Variants in LAMA3 observed in about 807,000 individuals in gnomAD.
LAMA3 encodes laminin subunit alpha 3, also known as laminin subunit alpha-3.
In LAMA3, 281 loss-of-function variants were observed where a neutral mutation model predicts 402.0. The observed-to-expected ratio is 0.70, with a 90% confidence interval of 0.63 to 0.77. The LOEUF (loss-of-function observed/expected upper bound fraction) is 0.77. Among genes scored for constraint, LAMA3 ranks in the 30% least tolerant of loss-of-function variants. The pLI is 0.00. For synonymous variants in LAMA3, 1,431 were observed against 1,558.4 expected, an observed-to-expected ratio of 0.92 and a Z score of 1.93; for missense variants, 3,840 against 4,215.5, an observed-to-expected ratio of 0.91 and a Z score of 2.47.
Position 23,689,466 on chromosome 18 carries a change from G to T in LAMA3, c.-218G>T, listed in dbSNP as rs1484628601. On this transcript the variant is annotated 5_prime_UTR_variant, in exon 1 of 75. Coordinates refer to ENST00000313654, the MANE Select transcript of LAMA3 (RefSeq NM_198129.4). ...CTGAGCGCTGTCAGTTCCTGATCCG[G>T]CTGGTGCCCGCTCCAGCCGCGGCAG... 2.6e-6 allele frequency: 1 copy of T among 379,166 alleles called. No homozygotes were observed. The highest frequency in any genetic ancestry group is 2.1e-5 in the African/African-American group (1 of 47,552). 23.5% of individuals were successfully genotyped at this position (379,166 alleles called of 1,614,324 possible).
chr18:23,929,542 ACT>A (rs549353226), intron 64 of LAMA3, among the ~76,000 whole-genome samples: 318 of 150,190 alleles, frequency 2.1e-3, no homozygotes, highest in African/African-American at 7.2e-3. Flanking sequence ...TTGGTGGCTG[ACT>A]CTGTGGCTCT....
chr18:23,753,846 CTA>C, intron 6 of LAMA3, 34 bp downstream of exon 6: 1 of 1,404,642 alleles, frequency 7.1e-7, no homozygotes, highest in Non-Finnish European at 1.0e-6. Context: ...TTCAGCCTTA[CTA>C]TGATTAAGTC....
intron 2 of LAMA3, among the ~76,000 whole-genome samples, chr18:23,741,700 A>G (rs760905322): frequency 1.3e-5 from 2 of 152,240 alleles, no homozygotes; most frequent in Non-Finnish European, 2.9e-5. Flanking sequence ...ATTAATTACA[A>G]ATGTAAAAAA....
rs1014633904 is a variant in LAMA3, at chr18:23,689,712, G to C, written c.29G>C (p.Arg10Pro). Residue 10 changes from arginine (R) to proline (P), a missense_variant, in exon 1 of 75, where the codon CGG (arginine) becomes CCG (proline). Physicochemically the swap from Arg to Pro is moderately radical, Grantham distance 103. Around this residue, in one of 3 missense-constraint regions of LAMA3, gnomAD observed 2,109 missense variants for 2,376.0 expected, o/e 0.89. Transcript: ENST00000313654. MAAAARPRG[R>P]ALGPVLPPTP... ...GCGGCGGCCGCGCGGCCTCGGGGTCGGGCACTGGGGCCAGTACTGCCGCCG... is the reference window on the plus strand; with the variant it reads ...GCGGCGGCCGCGCGGCCTCGGGGTCCGGCACTGGGGCCAGTACTGCCGCCG... 5.1e-6 allele frequency: 7 copies of C among 1,365,132 alleles called. No individual in the cohort carries two copies. The highest frequency in any genetic ancestry group is 6.6e-6 in the Non-Finnish European group (7 of 1,063,804). 84.6% of individuals were successfully genotyped at this position (1,365,132 alleles called of 1,614,324 possible).
chr18:23,733,013 T>C (rs1207480127), intron 2 of LAMA3, among the ~76,000 whole-genome samples: 2 of 152,000 alleles, frequency 1.3e-5, no homozygotes, highest in Non-Finnish European at 2.9e-5. Flanking sequence ...TGCCCACTTA[T>C]CCTCTCTTGA....
chr18:23,824,496 T>G lies in LAMA3; in HGVS notation c.2502T>G (p.Gly834=). ...EPAFVTVPGN[G]FADPFSITPG... ...CCTTTGTCACTGTCCCTGGAAATGG[T>G]TTTGCAGACCCATTTTCAATCACAC... Residue 834 remains glycine (G), a synonymous_variant, in exon 21 of 75, where the codon GGT becomes GGG. Transcript: ENST00000313654. 1 of 1,614,056 alleles carries G rather than the reference T, an allele frequency of 6.2e-7. No individual in the cohort carries two copies. The highest frequency in any genetic ancestry group is 8.5e-7 in the Non-Finnish European group (1 of 1,179,914).
At chr18:23,856,174 C>A (rs1254007471) in intron 32 of LAMA3, among the ~76,000 whole-genome samples, 1 of 152,176 alleles carries the variant, frequency 6.6e-6, no homozygotes, top group African/African-American at 2.4e-5. Flanking sequence ...AAGCAGGTTA[C>A]CTGGTTCCAA....
intron 18 of LAMA3, among the ~76,000 whole-genome samples, chr18:23,817,528 A>T (rs1473890363): frequency 2.0e-5 from 3 of 152,138 alleles, no homozygotes; most frequent in Non-Finnish European, 2.9e-5. Flanking sequence ...CCTGAGCAAC[A>T]TAGTGAGACC....
At chr18:23,771,153 A>C in intron 8 of LAMA3, among the ~76,000 whole-genome samples, 1 of 152,382 alleles carries the variant, frequency 6.6e-6, no homozygotes, top group East Asian at 1.9e-4. Flanking sequence ...GAAATAGCCC[A>C]GGTGACCAAC....
chr18:23,944,992 G>A (rs947765257), intron 69 of LAMA3, among the ~76,000 whole-genome samples: 1 of 152,072 alleles, frequency 6.6e-6, no homozygotes, highest in African/African-American at 2.4e-5. Flanking sequence ...CATTAGCTGG[G>A]CATGGTGGCA....
At chr18:23,719,236 T>C (rs2061166672) in intron 2 of LAMA3, among the ~76,000 whole-genome samples, 1 of 152,144 alleles carries the variant, frequency 6.6e-6, no homozygotes, top group Admixed American at 6.5e-5. Context: ...GGTTCATACC[T>C]GCAGCCCCAA....
At chr18:23,727,201 T>C (rs568956976) in intron 2 of LAMA3, among the ~76,000 whole-genome samples, 1 of 152,340 alleles carries the variant, frequency 6.6e-6, no homozygotes, top group African/African-American at 2.4e-5. Context: ...CCTAAAGACA[T>C]ACAAAATATA....
At chr18:23,840,064 G>T in intron 27 of LAMA3, 135 bp downstream of exon 27, 1 of 937,040 alleles carries the variant, frequency 1.1e-6, no homozygotes, top group South Asian at 1.4e-5. Flanking sequence ...AGCTCTGGGG[G>T]TGGGCCCAGG....
chr18:23,809,917 G>A (rs1318664044), intron 12 of LAMA3, among the ~76,000 whole-genome samples: 1 of 152,026 alleles, frequency 6.6e-6, no homozygotes, highest in East Asian at 1.9e-4. Flanking sequence ...AATTAAAGTG[G>A]CCCTCCAGTG....
At chr18:23,896,698 A>T (rs112882291) in intron 44 of LAMA3, among the ~76,000 whole-genome samples, 5,819 of 152,294 alleles carry the variant, frequency 0.038, 120 homozygotes, top group Middle Eastern at 0.13. Flanking sequence ...TGATGGCCAC[A>T]TGAGAGCCTA....
At chr18:23,868,258 C>T (rs564340832) in intron 37 of LAMA3, among the ~76,000 whole-genome samples, 32 of 152,172 alleles carry the variant, frequency 2.1e-4, no homozygotes, top group Non-Finnish European at 3.8e-4. Flanking sequence ...TGGTCACAAA[C>T]ATTTCAGAGA....
At chr18:23,769,619 A>C (rs2062151691) in intron 8 of LAMA3, among the ~76,000 whole-genome samples, 2 of 152,368 alleles carry the variant, frequency 1.3e-5, no homozygotes, top group Admixed American at 6.5e-5. Flanking sequence ...ATAATCCAAA[A>C]AATAGATAAA....
At chr18:23,789,772 A>G (rs1256388673) in intron 12 of LAMA3, among the ~76,000 whole-genome samples, 1 of 152,226 alleles carries the variant, frequency 6.6e-6, no homozygotes, top group Admixed American at 6.5e-5. Flanking sequence ...AATATATTAA[A>G]CAACATTAAG....
chr18:23,762,013 T>A (rs1176341941), intron 7 of LAMA3, among the ~76,000 whole-genome samples: 1 of 152,132 alleles, frequency 6.6e-6, no homozygotes, highest in African/African-American at 2.4e-5. Context: ...GCCCAGTAGT[T>A]GGAGATCAGC....
Sources: allele counts gnomAD v4.1 joint callset (sites outside exome capture counted in the v4.1 genomes callset), GRCh38; gene constraint gnomAD v4.1.1; regional missense constraint gnomAD v4.1.1; transcripts MANE v1.5; gene names NCBI Gene and HGNC (gene_info 2026-07-23, HGNC 2026-07-21).